GRID2: variants seen among roughly 807,000 people sequenced by gnomAD.
GRID2 encodes glutamate receptor ionotropic, delta-2.
Under a neutral mutation model 114.8 loss-of-function variants are expected in GRID2, and 33 were observed. The ratio of observed to expected loss-of-function variants is 0.29; its 90% confidence interval spans 0.22 to 0.38. GRID2 has a LOEUF of 0.38. Ranked by LOEUF, GRID2 falls within the 10% of genes least tolerant of loss-of-function variation. GRID2 has a pLI of 1.00. For missense variants in GRID2, 1,184 were observed against 1,257.7 expected, an observed-to-expected ratio of 0.94 and a Z score of 0.89; for synonymous variants, 505 against 449.9, an observed-to-expected ratio of 1.12 and a Z score of -1.55.
At chr4:92,860,729 A>G (rs1744472958) in intron 2 of GRID2, among the ~76,000 whole-genome samples, 1 of 152,128 alleles carries the variant, frequency 6.6e-6, no homozygotes, top group Non-Finnish European at 1.5e-5. Context: ...CCATGAGGGT[A>G]AGGACTTGAT....
At chr4:92,950,818 GAGA>G (rs1244060354) in intron 2 of GRID2, among the ~76,000 whole-genome samples, 6 of 152,164 alleles carry the variant, frequency 3.9e-5, no homozygotes, top group Non-Finnish European at 5.9e-5. Context: ...CCAGGTAAAA[GAGA>G]AGAAGAGTTT....
At chr4:93,712,450 G>T (rs758689328) in intron 14 of GRID2, among the ~76,000 whole-genome samples, 1 of 152,028 alleles carries the variant, frequency 6.6e-6, no homozygotes. Flanking sequence ...TTCCCATTGA[G>T]TTATATCCCA....
At chr4:92,654,058 A>G (rs890510540) in intron 2 of GRID2, among the ~76,000 whole-genome samples, 2 of 152,140 alleles carry the variant, frequency 1.3e-5, no homozygotes, top group African/African-American at 4.8e-5. Context: ...TTGCTGGACC[A>G]TTACTCCAAA....
chr4:93,399,024 C>T (rs944613546), intron 9 of GRID2, among the ~76,000 whole-genome samples: 4 of 151,916 alleles, frequency 2.6e-5, no homozygotes, highest in Non-Finnish European at 5.9e-5. Flanking sequence ...CTCCCCTCAC[C>T]CCACCCAGCA....
At chr4:92,971,693 C>A (rs1010701031) in intron 2 of GRID2, among the ~76,000 whole-genome samples, 1 of 151,998 alleles carries the variant, frequency 6.6e-6, no homozygotes, top group Admixed American at 6.6e-5. Context: ...CCTACCCCCA[C>A]TCCTCCCATT....
intron 2 of GRID2, among the ~76,000 whole-genome samples, chr4:92,591,233 A>G (rs1330255464): frequency 1.3e-5 from 2 of 152,116 alleles, no homozygotes; most frequent in Non-Finnish European, 2.9e-5. Context: ...TCGAGGACTC[A>G]GCAAGAAGGC....
At chr4:93,350,078 A>T (rs1760649132) in intron 8 of GRID2, among the ~76,000 whole-genome samples, 2 of 152,038 alleles carry the variant, frequency 1.3e-5, no homozygotes, top group African/African-American at 4.8e-5. Context: ...AGGTAGAACC[A>T]TTTTGTTTAA....
At chr4:93,214,386 A>G (rs1743940489) in intron 5 of GRID2, among the ~76,000 whole-genome samples, 1 of 152,064 alleles carries the variant, frequency 6.6e-6, no homozygotes, top group South Asian at 2.1e-4. Context: ...CAGTGTTTAT[A>G]TAACTTTGCA....
At chr4:93,385,758 G>C (rs1764255894) in intron 8 of GRID2, among the ~76,000 whole-genome samples, 1 of 152,010 alleles carries the variant, frequency 6.6e-6, no homozygotes, top group South Asian at 2.1e-4. Flanking sequence ...CTAATAAGCT[G>C]TGAGTTTTGA....
chr4:92,476,571 T>C (rs1310546876), intron 1 of GRID2, among the ~76,000 whole-genome samples: 1 of 152,120 alleles, frequency 6.6e-6, no homozygotes, highest in Admixed American at 6.6e-5. Context: ...GCTTTACTTA[T>C]CCAATCATTT....
At chr4:93,631,967 T>A (rs973885372) in intron 14 of GRID2, among the ~76,000 whole-genome samples, 1 of 152,218 alleles carries the variant, frequency 6.6e-6, no homozygotes, top group East Asian at 1.9e-4. Flanking sequence ...TGATGGCCAG[T>A]GATGATGAGC....
intron 4 of GRID2, among the ~76,000 whole-genome samples, chr4:93,185,505 T>G (rs1740317263): frequency 6.6e-6 from 1 of 152,216 alleles, no homozygotes; most frequent in Admixed American, 6.5e-5. Context: ...GGGAAGCTGA[T>G]GTTGCTTTCC....
At chr4:92,950,514 C>T (rs550277342) in intron 2 of GRID2, among the ~76,000 whole-genome samples, 24 of 152,096 alleles carry the variant, frequency 1.6e-4, no homozygotes, top group Non-Finnish European at 2.9e-4. Context: ...GCTTATATCC[C>T]TTTACTCCCC....
At chr4:92,747,664 T>A (rs1474167707) in intron 2 of GRID2, among the ~76,000 whole-genome samples, 1 of 152,178 alleles carries the variant, frequency 6.6e-6, no homozygotes, top group African/African-American at 2.4e-5. Flanking sequence ...GAAAAGAGAC[T>A]ATTACAAGCT....
rs180881993 is a variant in GRID2 at position 93,265,922 on chromosome 4, C to A, written c.1245+27432C>A. The stretch of plus-strand genomic sequence containing the variant: ...CCTTTAAGAATTTTTATTTTACAAT[C>A]ATTTGTATTCATTCATTTATTTTCC... On this transcript the variant is annotated intron_variant, in intron 8 of 15. Coordinates refer to ENST00000282020, the MANE Select transcript of GRID2 (RefSeq NM_001510.4). Among the ~76,000 whole-genome samples, 79 of 152,234 alleles carry A rather than the reference C, an allele frequency of 5.2e-4. 1 individual carries two copies. The highest frequency in any genetic ancestry group is 5.1e-3 in the Admixed American group (78 of 15,284).
intron 1 of GRID2, among the ~76,000 whole-genome samples, chr4:92,500,670 G>A (rs1723636838): frequency 6.6e-6 from 1 of 152,136 alleles, no homozygotes. Context: ...GCTGTCTCTG[G>A]CTTTAAAAGA....
intron 4 of GRID2, among the ~76,000 whole-genome samples, chr4:93,137,888 T>G (rs1006756493): frequency 6.6e-6 from 1 of 151,882 alleles, no homozygotes; most frequent in Non-Finnish European, 1.5e-5. Flanking sequence ...TTTCAGAAAC[T>G]CTTCATGTAT....
intron 9 of GRID2, among the ~76,000 whole-genome samples, chr4:93,414,686 TA>T (rs763555271): frequency 0.082 from 1,519 of 18,426 alleles, 18 homozygotes; most frequent in South Asian, 0.29. Flanking sequence ...TCTGACATTT[TA>T]TATATATATA....
chr4:92,600,918 A>G (rs1376938273), intron 2 of GRID2, among the ~76,000 whole-genome samples: 1 of 152,210 alleles, frequency 6.6e-6, no homozygotes, highest in East Asian at 1.9e-4. Context: ...TGGTAGAGGA[A>G]GTGCACTGTG....
Sources: gnomAD v4.1 joint callset for allele counts (sites outside exome capture counted in the v4.1 genomes callset) on GRCh38, gnomAD v4.1.1 for gene constraint, MANE v1.5 for transcripts, NCBI Gene and HGNC (gene_info 2026-07-23, HGNC 2026-07-21) for gene names.